Variants in SCN9A observed in about 807,000 individuals in gnomAD.
SCN9A encodes sodium channel protein type 9 subunit alpha.
A neutral mutation model predicts 187.0 loss-of-function variants in SCN9A; 131 were observed. That is an observed-to-expected ratio of 0.70 (90% CI 0.61 to 0.81). The LOEUF is 0.81. Ranked by LOEUF, SCN9A falls within the 30% of genes least tolerant of loss-of-function variation. SCN9A has a pLI of 0.00. For missense variants in SCN9A, 2,252 were observed against 2,396.6 expected (o/e 0.94, Z 1.26); for synonymous variants, 809 against 808.6 (o/e 1.00, Z -0.01).
rs559065366 is a variant in SCN9A at position 166,317,647 on chromosome 2, G to A, written c.-50-5841C>T. 1.2e-4 allele frequency among the ~76,000 whole-genome samples: 18 copies of A among 152,182 alleles called. 1 individual carries two copies. The South Asian group carries it at 3.7e-3, about 32-fold the overall frequency. On this transcript the variant is annotated intron_variant, in intron 1 of 26. Transcript: ENST00000642356. ...TATGCTTATCCATCTATGGATCTAT[G>A]TCTGTCCAAATATCATATCATGTAT...
At chr2:166,259,981 G>GACC (rs1696439047) in intron 17 of SCN9A, among the ~76,000 whole-genome samples, 1 of 151,556 alleles carries the variant, frequency 6.6e-6, no homozygotes, top group South Asian at 2.1e-4. Flanking sequence ...CCAATTTTAC[G>GACC]AAACAGCATA....
chr2:166,259,821 A>T (rs1386102827), intron 17 of SCN9A, among the ~76,000 whole-genome samples: 1 of 151,798 alleles, frequency 6.6e-6, no homozygotes, highest in Non-Finnish European at 1.5e-5. Flanking sequence ...CAAATATTTC[A>T]TTGTTTTTAG....
intron 1 of SCN9A, among the ~76,000 whole-genome samples, chr2:166,331,297 C>T (rs1205905729): frequency 6.6e-6 from 1 of 152,026 alleles, no homozygotes. Flanking sequence ...TGTGTATGTT[C>T]ATTACTGATA....
chr2:166,362,553 G>C (rs1032796693), intron 1 of SCN9A, among the ~76,000 whole-genome samples: 2 of 151,894 alleles, frequency 1.3e-5, no homozygotes, highest in African/African-American at 4.8e-5. Flanking sequence ...GAGTCATGAA[G>C]AATATTCCAA....
At chr2:166,266,575 CT>C (rs71031233) in intron 17 of SCN9A, among the ~76,000 whole-genome samples, 103,085 of 137,312 alleles carry the variant, frequency 0.75, 38,268 homozygotes, top group Middle Eastern at 0.79. Context: ...AATGTTAGGA[CT>C]TTTTTTTTTT....
intron 16 of SCN9A, among the ~76,000 whole-genome samples, chr2:166,274,325 GA>G (rs1381816795): frequency 1.3e-5 from 2 of 152,014 alleles, no homozygotes; most frequent in Non-Finnish European, 2.9e-5. Flanking sequence ...TTAAACAAGA[GA>G]AGAAATATTA....
At chr2:166,326,922 T>C (rs1444622970) in intron 1 of SCN9A, among the ~76,000 whole-genome samples, 1 of 152,160 alleles carries the variant, frequency 6.6e-6, no homozygotes, top group African/African-American at 2.4e-5. Context: ...TAAAGGTTCT[T>C]GACTTCAGGC....
chr2:166,244,500 T>C (rs999672936), intron 18 of SCN9A, among the ~76,000 whole-genome samples: 1 of 152,080 alleles, frequency 6.6e-6, no homozygotes, highest in African/African-American at 2.4e-5. Context: ...AGGTAATAAA[T>C]ACTAAGACAT....
chr2:166,304,395 G>C, intron 5 of SCN9A, 66 bp from the exon 6 acceptor site: 2 of 1,398,362 alleles, frequency 1.4e-6, no homozygotes, highest in Non-Finnish European at 2.0e-6. Flanking sequence ...TGAGCCTTTA[G>C]TCAAGGTATT....
At chr2:166,222,802 A>G (rs1357029961) in intron 24 of SCN9A, among the ~76,000 whole-genome samples, 2 of 145,672 alleles carry the variant, frequency 1.4e-5, no homozygotes, top group Non-Finnish European at 3.0e-5. Context: ...ATGGTGGCGC[A>G]CGCCTGTAGT....
Position 166,198,924 on chromosome 2 carries a change from T to G in SCN9A, c.5715A>C (p.Leu1905Phe). 6.2e-7 allele frequency: 1 copy of G among 1,613,962 alleles called. No homozygotes were observed. The highest frequency in any genetic ancestry group is 8.5e-7 in the Non-Finnish European group (1 of 1,179,854). ...VIQRAYRRYR[L>F]RQNVKNISSI... Reference sequence around the variant, plus strand: ...TTGATATATTTTTGACATTTTGCCTTAAGCGGTAACGTCTATAAGCACGCT... The same window carrying G: ...TTGATATATTTTTGACATTTTGCCTGAAGCGGTAACGTCTATAAGCACGCT... The change falls in exon 27 of 27, where the codon TTA becomes TTC. Residue 1905 changes from leucine (L) to phenylalanine (F), a missense_variant. This residue lies in a region of SCN9A where 345 missense variants were observed against 344.6 expected (regional missense o/e 1.00). Transcript: ENST00000642356.
rs772565872 is a variant in SCN9A at position 166,305,789 on chromosome 2, T to TA, written c.596+2dup. 6.2e-7 allele frequency: 1 copy of TA among 1,613,366 alleles called. No homozygotes were observed. Among genetic ancestry groups the TA allele is most frequent in the South Asian group, 1.1e-5 (1 of 91,048 alleles). On this transcript the variant is annotated splice_region_variant and intron_variant, in intron 5 of 26. Transcript: ENST00000642356. ...GCCGTTTCAAAAAGCTGAAAGTACT[T>TA]ACGCAAAAACAATGACGACAAAATC...
intron 17 of SCN9A, among the ~76,000 whole-genome samples, chr2:166,260,659 C>T (rs1696468412): frequency 6.6e-6 from 1 of 151,612 alleles, no homozygotes; most frequent in Non-Finnish European, 1.5e-5. Flanking sequence ...TTGGGGGACT[C>T]AATATTTATA....
chr2:166,361,012 G>A (rs375069289), intron 1 of SCN9A, among the ~76,000 whole-genome samples: 27 of 152,242 alleles, frequency 1.8e-4, no homozygotes, highest in Admixed American at 9.8e-4. Flanking sequence ...GAGAGGCATG[G>A]GTTCACATCC....
chr2:166,311,806 C>A lies in SCN9A; in HGVS notation c.-50G>T. The A allele has an allele frequency of 1.3e-6, 2 of 1,485,276 alleles. No homozygotes were observed. Among genetic ancestry groups the A allele is most frequent in the Non-Finnish European group, 1.8e-6 (2 of 1,109,632 alleles). The allele number at this position is 1,485,276 out of a possible 1,614,324, so 92.0% of individuals were successfully genotyped here. A position where few individuals can be genotyped will look rare whatever the true frequency, so the allele number is the denominator to read the frequency against. ...CCTCTTCAGCTCCTCACATAAGAGG[C>A]CTGGATGGAAACAAAGAAATAAAGA... On this transcript the variant is annotated splice_region_variant and 5_prime_UTR_variant, in exon 2 of 27. Coordinates refer to ENST00000642356, the MANE Select transcript of SCN9A (RefSeq NM_001365536.1).
chr2:166,275,406 G>A (rs796220849), intron 16 of SCN9A, among the ~76,000 whole-genome samples: 5 of 151,914 alleles, frequency 3.3e-5, no homozygotes, highest in African/African-American at 1.2e-4. Context: ...CCAACATGAC[G>A]AAAACCTGTC....
At chr2:166,234,754 T>G (rs1695240078) in intron 20 of SCN9A, among the ~76,000 whole-genome samples, 1 of 152,184 alleles carries the variant, frequency 6.6e-6, no homozygotes, top group Admixed American at 6.5e-5. Context: ...CAGAAAATTT[T>G]TTTTTTAATG....
At chr2:166,218,066 G>A (rs1309778252) in intron 24 of SCN9A, among the ~76,000 whole-genome samples, 1 of 151,844 alleles carries the variant, frequency 6.6e-6, no homozygotes, top group African/African-American at 2.4e-5. Context: ...ACCCATACAT[G>A]CAACCTGTAC....
chr2:166,352,640 G>T (rs1023335805), intron 1 of SCN9A, among the ~76,000 whole-genome samples: 1 of 152,078 alleles, frequency 6.6e-6, no homozygotes, highest in African/African-American at 2.4e-5. Context: ...TCTCCAATGG[G>T]TTAATTTTTT....
Sources: allele counts gnomAD v4.1 joint callset (sites outside exome capture counted in the v4.1 genomes callset), GRCh38; gene constraint gnomAD v4.1.1; regional missense constraint gnomAD v4.1.1; transcripts MANE v1.5; gene names NCBI Gene and HGNC (gene_info 2026-07-23, HGNC 2026-07-21).